AGO3: variants seen among roughly 807,000 people sequenced by gnomAD.
The protein encoded by AGO3 is argonaute RISC catalytic component 3, also known as protein argonaute-3.
AGO3 carries 16 observed loss-of-function variants against 105.5 expected under a neutral mutation model. That is an observed-to-expected ratio of 0.15 (90% CI 0.10 to 0.23). AGO3 has a LOEUF of 0.23. Ranked by LOEUF, AGO3 falls within the 10% of genes least tolerant of loss-of-function variation. AGO3 has a pLI of 1.00. For synonymous variants in AGO3, 340 were observed against 367.3 expected (o/e 0.93, Z 0.85); for missense variants, 534 against 1,088.0 (o/e 0.49, Z 7.16).
intron 5 of AGO3, among the ~76,000 whole-genome samples, chr1:35,997,537 G>A (rs377736184): frequency 8.5e-5 from 13 of 152,268 alleles, no homozygotes; most frequent in African/African-American, 1.7e-4. Flanking sequence ...TTGTCCAACC[G>A]TAGGCTCATA....
In AGO3 at chr1:36,054,968, A is replaced by G. The variant is rs1274973226; in HGVS notation, c.2297A>G (p.Tyr766Cys). The G allele has an allele frequency of 1.2e-6, 2 of 1,614,034 alleles. No individual in the cohort carries two copies. The highest frequency in any genetic ancestry group is 1.3e-5 in the African/African-American group (1 of 74,932). Reference sequence around the variant, plus strand: ...TAGGGTACCAGTCGTCCTTCACACTATCATGTTTTATGGGATGATAACTGC... The same window carrying G: ...TAGGGTACCAGTCGTCCTTCACACTGTCATGTTTTATGGGATGATAACTGC... ...GIQGTSRPSH[Y>C]HVLWDDNCFT... Residue 766 changes from tyrosine to cysteine, a missense_variant, in exon 18 of 19, where the codon TAT becomes TGT. Physicochemically the swap from Tyr to Cys is radical, Grantham distance 194 (BLOSUM62 -2). Transcript: ENST00000373191.
chr1:35,936,129 G>A (rs958724057), intron 1 of AGO3, among the ~76,000 whole-genome samples: 3 of 152,066 alleles, frequency 2.0e-5, no homozygotes, highest in East Asian at 1.9e-4. Context: ...AGAATATTGT[G>A]TGGTTTTTCA....
Position 36,059,630 on chromosome 1 carries a change from G to C in AGO3, c.*3885G>C, listed in dbSNP as rs188484495. 6.6e-6 allele frequency: 1 copy of C among 151,646 alleles called. No individual in the cohort carries two copies. The highest frequency in any genetic ancestry group is 1.5e-5 in the Non-Finnish European group (1 of 67,932). The allele number at this position is 151,646 out of a possible 1,614,324, so 9.4% of individuals were successfully genotyped here. On this transcript the variant is annotated 3_prime_UTR_variant, in exon 19 of 19. Coordinates refer to ENST00000373191, the MANE Select transcript of AGO3 (RefSeq NM_024852.4). The stretch of plus-strand genomic sequence containing the variant: ...TTGATGGTTAATGTGTCTACATAAA[G>C]TGCTGATACATGTATTATATCACAG...
At chr1:36,024,478 G>C (rs1445807680) in intron 11 of AGO3, among the ~76,000 whole-genome samples, 3 of 151,962 alleles carry the variant, frequency 2.0e-5, no homozygotes, top group African/African-American at 7.2e-5. Flanking sequence ...TGGTTCTTTA[G>C]TTTACGTTTT....
At position 36,063,010 on chromosome 1, in the gene AGO3, G is replaced by T. The variant is rs1002865206; in HGVS notation, c.*7265G>T. On this transcript the variant is annotated 3_prime_UTR_variant, in exon 19 of 19. Coordinates refer to ENST00000373191, the MANE Select transcript of AGO3 (RefSeq NM_024852.4). The stretch of plus-strand genomic sequence containing the variant: ...TTATATTTTGCTTGTCGGTTTTAAG[G>T]TATTTTATTTTTATAGATATTTCTA... 5.9e-5 allele frequency: 9 copies of T among 152,048 alleles called. No homozygotes were observed. Among genetic ancestry groups the T allele is most frequent in the African/African-American group, 1.9e-4 (8 of 41,380 alleles). The allele number at this position is 152,048 out of a possible 1,614,324, so 9.4% of individuals were successfully genotyped here.
intron 17 of AGO3, among the ~76,000 whole-genome samples, chr1:36,046,594 G>A (rs943820486): frequency 8.6e-6 from 1 of 115,990 alleles, no homozygotes. Context: ...ACTCCAGCCT[G>A]GGCAACAGAG....
At chr1:35,991,754 T>A (rs773149617) in intron 5 of AGO3, among the ~76,000 whole-genome samples, 1 of 152,128 alleles carries the variant, frequency 6.6e-6, no homozygotes, top group Non-Finnish European at 1.5e-5. Context: ...TTTCATAGCA[T>A]GCTATTCTTG....
intron 1 of AGO3, among the ~76,000 whole-genome samples, chr1:35,937,040 G>C (rs1454448847): frequency 6.6e-6 from 1 of 152,202 alleles, no homozygotes; most frequent in Non-Finnish European, 1.5e-5. Context: ...CTTTAAAAAT[G>C]ATGAAAGAAT....
intron 2 of AGO3, among the ~76,000 whole-genome samples, chr1:35,963,117 C>G (rs1419718324): frequency 6.6e-6 from 1 of 152,154 alleles, no homozygotes; most frequent in African/African-American, 2.4e-5. Context: ...TCATTTTGAC[C>G]TAACAGTCTG....
At chr1:35,955,390 C>T (rs1467010207) in intron 2 of AGO3, among the ~76,000 whole-genome samples, 2 of 151,988 alleles carry the variant, frequency 1.3e-5, no homozygotes, top group South Asian at 4.2e-4. Flanking sequence ...AATTTGTTGG[C>T]GTGTACTACT....
At chr1:36,035,128 C>A (rs541371485) in intron 13 of AGO3, among the ~76,000 whole-genome samples, 1 of 152,280 alleles carries the variant, frequency 6.6e-6, no homozygotes, top group African/African-American at 2.4e-5. Context: ...TCCTGTTTTT[C>A]CATGCCATCT....
intron 16 of AGO3, 26 bp downstream of exon 16, chr1:36,040,467 G>A (rs767860597): frequency 3.1e-6 from 5 of 1,611,544 alleles, no homozygotes; most frequent in Non-Finnish European, 3.4e-6. Flanking sequence ...TTGTAATACT[G>A]TTATAAACCA....
intron 17 of AGO3, among the ~76,000 whole-genome samples, chr1:36,045,331 C>T (rs1642419473): frequency 1.3e-5 from 2 of 151,652 alleles, no homozygotes; most frequent in Non-Finnish European, 2.9e-5. Flanking sequence ...AAGCAATTCT[C>T]CTGCCTCAGC....
intron 5 of AGO3, among the ~76,000 whole-genome samples, chr1:35,985,891 T>C (rs1438264267): frequency 1.3e-5 from 2 of 152,022 alleles, no homozygotes; most frequent in African/African-American, 4.8e-5. Flanking sequence ...AATTGAAAAA[T>C]AGGTAGTTCT....
intron 11 of AGO3, among the ~76,000 whole-genome samples, chr1:36,019,300 T>G (rs1212038113): frequency 6.6e-6 from 1 of 152,230 alleles, no homozygotes; most frequent in South Asian, 2.1e-4. Context: ...AGTGACTATT[T>G]CATAAGGGTT....
chr1:35,965,141 AAAT>A (rs1395126986), intron 2 of AGO3, among the ~76,000 whole-genome samples: 2 of 152,066 alleles, frequency 1.3e-5, no homozygotes, highest in Non-Finnish European at 2.9e-5. Flanking sequence ...TTAAAAAAAA[AAAT>A]GACAAAATGG....
chr1:36,010,847 G>A (rs564253091), intron 9 of AGO3, among the ~76,000 whole-genome samples: 11 of 150,826 alleles, frequency 7.3e-5, no homozygotes, highest in South Asian at 2.1e-4. Flanking sequence ...CGCAGGTTGC[G>A]GTGAGTCGGG....
chr1:35,931,683 G>C (rs1646052102), intron 1 of AGO3, among the ~76,000 whole-genome samples: 2 of 152,232 alleles, frequency 1.3e-5, no homozygotes, highest in Admixed American at 6.5e-5. Flanking sequence ...TAAGTTTGGG[G>C]TTATCTAGGC....
chr1:36,036,416 G>A, intron 14 of AGO3, 149 bp downstream of exon 14: 1 of 760,236 alleles, frequency 1.3e-6, no homozygotes, highest in Non-Finnish European at 2.1e-6. Context: ...TCTCTGGTTT[G>A]GAGTTTGGAA....
Sources: allele counts gnomAD v4.1 joint callset (sites outside exome capture counted in the v4.1 genomes callset), GRCh38; gene constraint gnomAD v4.1.1; transcripts MANE v1.5; gene names NCBI Gene and HGNC (gene_info 2026-07-23, HGNC 2026-07-21).